MOCOS: variants seen among roughly 807,000 people sequenced by gnomAD.
The protein encoded by MOCOS is human molybdenum cofactor sulfurase.
A neutral mutation model predicts 83.6 loss-of-function variants in MOCOS; 86 were observed. The ratio of observed to expected loss-of-function variants is 1.03; its 90% CI spans 0.86 to 1.23. MOCOS has a LOEUF of 1.23. MOCOS is among the 50% of genes most tolerant of loss of function. The pLI is 0.00. For synonymous variants in MOCOS, 445 were observed against 434.7 expected (o/e 1.02, Z -0.29); for missense variants, 1,120 against 1,126.9 (o/e 0.99, Z 0.09).
chr18:36,227,659 G>A (rs11663129), intron 9 of MOCOS, among the ~76,000 whole-genome samples: 2 of 152,072 alleles, frequency 1.3e-5, no homozygotes, highest in Non-Finnish European at 2.9e-5. Flanking sequence ...GCCTCCCAAA[G>A]TATGGGGATT....
intron 1 of MOCOS, 146 bp from the exon 2 acceptor site, chr18:36,195,111 T>C (rs2091381956): frequency 1.4e-6 from 1 of 728,252 alleles, no homozygotes; most frequent in Non-Finnish European, 2.5e-6. Context: ...CCACTGCTCA[T>C]GCCTACACTT....
At chr18:36,240,972 A>G (rs999975526) in intron 9 of MOCOS, among the ~76,000 whole-genome samples, 7 of 152,158 alleles carry the variant, frequency 4.6e-5, no homozygotes, top group African/African-American at 1.7e-4. Context: ...GAGTGAGGCA[A>G]TGCCTCGCCC....
intron 1 of MOCOS, among the ~76,000 whole-genome samples, chr18:36,188,500 T>G (rs545702815): frequency 7.4e-4 from 113 of 152,304 alleles, no homozygotes; most frequent in African/African-American, 2.6e-3. Context: ...GGACTTTGGG[T>G]GCAGGGCTTC....
chr18:36,235,124 A>AT (rs1336248005), intron 9 of MOCOS, among the ~76,000 whole-genome samples: 22 of 151,252 alleles, frequency 1.5e-4, no homozygotes, highest in Admixed American at 2.6e-4. Context: ...CCCAAAATCA[A>AT]TTTTTTTAAA....
chr18:36,210,497 G>T (rs2091450683), intron 6 of MOCOS, among the ~76,000 whole-genome samples: 1 of 152,134 alleles, frequency 6.6e-6, no homozygotes, highest in African/African-American at 2.4e-5. Context: ...GAGGCAAAAG[G>T]TTTGCCTTCT....
chr18:36,214,027 A>G (rs1395842602), intron 7 of MOCOS, among the ~76,000 whole-genome samples: 3 of 151,992 alleles, frequency 2.0e-5, no homozygotes, highest in Admixed American at 6.6e-5. Flanking sequence ...GAGTCACCTG[A>G]GGTCAGGAGT....
chr18:36,201,994 A>G (rs1301325587), intron 4 of MOCOS, among the ~76,000 whole-genome samples: 2 of 152,180 alleles, frequency 1.3e-5, no homozygotes, highest in Non-Finnish European at 2.9e-5. Flanking sequence ...ACTGGGGGCC[A>G]GGGCATGAAT....
intron 6 of MOCOS, 117 bp from the exon 7 acceptor site, chr18:36,213,249 C>T: frequency 3.6e-6 from 3 of 822,534 alleles, no homozygotes; most frequent in Non-Finnish European, 6.2e-6. Context: ...GAGGACAATT[C>T]CAGGCTTGTA....
chr18:36,212,881 G>C (rs1439684863), intron 6 of MOCOS, among the ~76,000 whole-genome samples: 1 of 152,194 alleles, frequency 6.6e-6, no homozygotes, highest in Non-Finnish European at 1.5e-5. Context: ...TTGGGGAATG[G>C]AGTACTTGAT....
rs1201814598 is a variant in MOCOS at position 36,187,503 on chromosome 18, C to T, written c.-37C>T. Reference sequence around the variant, plus strand: ...CGCCGGGGGCCGGCTTCGCGCACTTCCCGGGCCCGGCCGGCCTGGATGGAC... The same window carrying T: ...CGCCGGGGGCCGGCTTCGCGCACTTTCCGGGCCCGGCCGGCCTGGATGGAC... On this transcript the variant is annotated 5_prime_UTR_variant, in exon 1 of 15. Transcript: ENST00000261326. The T allele has an allele frequency of 1.6e-6, 2 of 1,227,588 alleles. No homozygotes were observed. Among genetic ancestry groups the T allele is most frequent in the Non-Finnish European group, 2.0e-6 (2 of 984,754 alleles). The allele number at this position is 1,227,588 out of a possible 1,614,324, so 76.0% of individuals were successfully genotyped here. A position where few individuals can be genotyped will look rare whatever the true frequency, so the allele number is the denominator to read the frequency against.
chr18:36,238,110 G>A (rs1192049939), intron 9 of MOCOS, among the ~76,000 whole-genome samples: 25 of 146,804 alleles, frequency 1.7e-4, no homozygotes, highest in Admixed American at 1.6e-3. Context: ...ATTTTTTGAA[G>A]GGTTTTTTGT....
At chr18:36,238,456 C>G (rs1487297236) in intron 9 of MOCOS, among the ~76,000 whole-genome samples, 1 of 149,418 alleles carries the variant, frequency 6.7e-6, no homozygotes, top group East Asian at 2.0e-4. Context: ...GAGTGAGATT[C>G]TTAATCCTGA....
chr18:36,222,975 T>C (rs1471014755), intron 9 of MOCOS, among the ~76,000 whole-genome samples: 1 of 152,212 alleles, frequency 6.6e-6, no homozygotes, highest in African/African-American at 2.4e-5. Flanking sequence ...GTTCCTTATA[T>C]ATCTTTGAGG....
intron 4 of MOCOS, among the ~76,000 whole-genome samples, chr18:36,202,764 C>A (rs1009820451): frequency 6.6e-6 from 1 of 152,128 alleles, no homozygotes; most frequent in Non-Finnish European, 1.5e-5. Context: ...AGGAAACTTA[C>A]AATCATGGCG....
rs750931852 is a variant in MOCOS, at chr18:36,199,792, G to A, written c.409G>A (p.Gly137Ser). ...AGAGGCCTTTCCATGGGTGTCCCAG[G>A]GCCCAGAGAGCAGTGGGAGTCGCTT... ...VAEAFPWVSQ[G>S]PESSGSRFCY... Residue 137 changes from glycine (G) to serine (S), a missense_variant, in exon 4 of 15, where the codon GGC (glycine) becomes AGC (serine). Transcript: ENST00000261326. The A allele has an allele frequency of 6.8e-6, 11 of 1,614,144 alleles. No individual in the cohort carries two copies. In the East Asian group the frequency reaches 2.0e-4, roughly 29 times the overall value.
In MOCOS at chr18:36,268,752, G is replaced by T. The variant is rs987231676; in HGVS notation, c.*67G>T. On this transcript the variant is annotated 3_prime_UTR_variant, in exon 15 of 15. Transcript: ENST00000261326. ...TATTATTGTTAAGATCTGCAACTTG[G>T]TTCAGTAGAACTTGATGTTTTGAAT... The T allele has an allele frequency of 2.6e-5, 35 of 1,345,728 alleles. No individual in the cohort carries two copies. Among genetic ancestry groups the T allele is most frequent in the Middle Eastern group, 1.9e-4 (1 of 5,170 alleles). The allele number at this position is 1,345,728 out of a possible 1,614,324, so 83.4% of individuals were successfully genotyped here.
intron 9 of MOCOS, among the ~76,000 whole-genome samples, chr18:36,227,055 C>T (rs1055512336): frequency 6.6e-6 from 1 of 151,808 alleles, no homozygotes; most frequent in Non-Finnish European, 1.5e-5. Flanking sequence ...TAAGCAGACA[C>T]ATGCCACCAT....
intron 9 of MOCOS, among the ~76,000 whole-genome samples, chr18:36,226,512 T>C (rs2091516086): frequency 2.0e-5 from 3 of 152,216 alleles, no homozygotes; most frequent in Admixed American, 2.0e-4. Context: ...AGTCTTTTGA[T>C]TGGAGAGTTT....
intron 6 of MOCOS, among the ~76,000 whole-genome samples, chr18:36,212,823 T>C (rs2144913478): frequency 6.6e-6 from 1 of 152,292 alleles, no homozygotes; most frequent in Admixed American, 6.5e-5. Flanking sequence ...TCCTCCTGAA[T>C]TCAGCCTGAG....
Sources: allele counts gnomAD v4.1 joint callset (sites outside exome capture counted in the v4.1 genomes callset), GRCh38; gene constraint gnomAD v4.1.1; transcripts MANE v1.5; gene names NCBI Gene and HGNC (gene_info 2026-07-23, HGNC 2026-07-21).